ARHGEF18: variants seen among roughly 807,000 people sequenced by gnomAD.
ARHGEF18 encodes Rho/Rac guanine nucleotide exchange factor 18.
In ARHGEF18, 93 loss-of-function variants were observed where a neutral mutation model predicts 155.7. The ratio of observed to expected loss-of-function variants is 0.60; its 90% CI spans 0.50 to 0.71. The LOEUF (loss-of-function observed/expected upper bound fraction) is 0.71, where lower values mean the gene tolerates loss of function less well. ARHGEF18 is among the 30% of genes least tolerant of loss of function. The pLI, the probability that ARHGEF18 is intolerant of heterozygous loss-of-function variation, is 0.00. For missense variants in ARHGEF18, 1,593 were observed against 1,816.1 expected (o/e 0.88, Z 2.23); for synonymous variants, 742 against 753.1 (o/e 0.99, Z 0.24).
intron 10 of ARHGEF18, among the ~76,000 whole-genome samples, chr19:7,393,406 C>T (rs1025505968): frequency 9.9e-5 from 15 of 152,128 alleles, no homozygotes; most frequent in South Asian, 2.1e-4. Flanking sequence ...CTGGGTCATG[C>T]GAGGTTTCCC....
rs547413967 is a variant in ARHGEF18 at position 7,431,447 on chromosome 19, G to A, written c.968-8897G>A. On this transcript the variant is annotated intron_variant, in intron 10 of 28. Coordinates refer to ENST00000668164, the MANE Select transcript of ARHGEF18 (RefSeq NM_001367823.1). ...CAGGGGAATCGCTTGGGAGGCGGAG[G>A]TTGCAGTGAGTCAAGATCGTGCCAC... Among the ~76,000 whole-genome samples the A allele has an allele frequency of 3.5e-4, 48 of 137,274 alleles. 1 individual carries two copies. The South Asian group carries it at 0.011, about 33-fold the overall frequency. The allele number at this position is 137,274 out of a possible 152,430, so 90.1% of individuals were successfully genotyped here.
chr19:7,362,287 GAGGAGGAAGAAGGAGA>G (rs1193838918), intron 1 of ARHGEF18, among the ~76,000 whole-genome samples: 1 of 149,388 alleles, frequency 6.7e-6, no homozygotes, highest in South Asian at 2.1e-4. Flanking sequence ...AGAAGAAGAG[GAGGAGGAAGAAGGAGA>G]AGGAGGAAGA....
At chr19:7,357,909 G>A (rs1262168568) in intron 1 of ARHGEF18, among the ~76,000 whole-genome samples, 1 of 152,202 alleles carries the variant, frequency 6.6e-6, no homozygotes, top group Admixed American at 6.5e-5. Flanking sequence ...GATGAGTGCA[G>A]TCTGTGCCTC....
At chr19:7,364,365 AAAGGAAGGAAGGAAGG>A (rs752918785) in intron 2 of ARHGEF18, among the ~76,000 whole-genome samples, 245 of 112,938 alleles carry the variant, frequency 2.2e-3, no homozygotes, top group African/African-American at 8.1e-3. Flanking sequence ...GGAGGGAAGG[AAAGGAAGGAAGGAAGG>A]AAGGAAGGAA....
chr19:7,363,127 G>A (rs1202763387), intron 2 of ARHGEF18, among the ~76,000 whole-genome samples: 1 of 152,168 alleles, frequency 6.6e-6, no homozygotes, highest in African/African-American at 2.4e-5. Flanking sequence ...GGGATGAATG[G>A]ATGGATGGAT....
At chr19:7,425,427 T>C (rs145652489) in intron 10 of ARHGEF18, among the ~76,000 whole-genome samples, 3 of 152,274 alleles carry the variant, frequency 2.0e-5, no homozygotes, top group Admixed American at 2.0e-4. Context: ...TTCACGCCTG[T>C]AATCCCAGCA....
At chr19:7,403,471 T>A (rs568760456) in intron 10 of ARHGEF18, among the ~76,000 whole-genome samples, 1 of 152,338 alleles carries the variant, frequency 6.6e-6, no homozygotes, top group South Asian at 2.1e-4. Flanking sequence ...TTAATGTGAC[T>A]TCTTTTACTT....
Position 7,470,400 on chromosome 19 carries a change from C to A in ARHGEF18, c.*102C>A. On this transcript the variant is annotated 3_prime_UTR_variant, in exon 29 of 29. Coordinates refer to ENST00000668164, the MANE Select transcript of ARHGEF18 (RefSeq NM_001367823.1). The surrounding 1 kb of genome is among the most constrained non-coding windows in gnomAD (Gnocchi z 5.9). The stretch of plus-strand genomic sequence containing the variant: ...CACCATGCCCACCCAGCTGTCCCCT[C>A]CTCTTCCCTAGCAAACCACTGATGA... The A allele has an allele frequency of 1.7e-6, 2 of 1,159,556 alleles. No homozygotes were observed. Among genetic ancestry groups the A allele is most frequent in the Non-Finnish European group, 2.2e-6 (2 of 907,150 alleles). The allele number at this position is 1,159,556 out of a possible 1,614,324, so 71.8% of individuals were successfully genotyped here.
intron 22 of ARHGEF18, among the ~76,000 whole-genome samples, chr19:7,464,220 T>C (rs926177734): frequency 6.6e-6 from 1 of 152,108 alleles, no homozygotes; most frequent in African/African-American, 2.4e-5. Context: ...GTATTTTTAG[T>C]AGAAATGGGG....
rs75485514 is a variant in ARHGEF18 at position 7,362,519 on chromosome 19, A to G, written c.-110-262A>G. On this transcript the variant is annotated intron_variant, in intron 1 of 28. Coordinates refer to ENST00000668164, the MANE Select transcript of ARHGEF18 (RefSeq NM_001367823.1). ...CTGTTGGAACTGGTGTGTTGGGAAG[A>G]ATCCTGAGGGGGCAAATGGCTAAGC... Among the ~76,000 whole-genome samples, 16 of 152,330 alleles carry G rather than the reference A, an allele frequency of 1.1e-4. No homozygotes were observed. The East Asian group carries it at 2.5e-3, about 24-fold the overall frequency.
intron 10 of ARHGEF18, among the ~76,000 whole-genome samples, chr19:7,417,572 C>G (rs1973095430): frequency 6.6e-6 from 1 of 152,178 alleles, no homozygotes; most frequent in Non-Finnish European, 1.5e-5. Flanking sequence ...TGGCGCACGC[C>G]TGTAATCCCA....
At chr19:7,391,500 G>A (rs1317436738) in intron 10 of ARHGEF18, among the ~76,000 whole-genome samples, 2 of 151,926 alleles carry the variant, frequency 1.3e-5, no homozygotes, top group African/African-American at 2.4e-5. Flanking sequence ...CAGGTTCTCC[G>A]GACTCCACGG....
At chr19:7,386,555 G>C (rs1383382637) in intron 10 of ARHGEF18, among the ~76,000 whole-genome samples, 1 of 152,064 alleles carries the variant, frequency 6.6e-6, no homozygotes, top group Non-Finnish European at 1.5e-5. Context: ...AGATGTGGAG[G>C]AGGTGGGAAA....
chr19:7,413,976 A>G (rs12462237), intron 10 of ARHGEF18, among the ~76,000 whole-genome samples: 84,101 of 152,028 alleles, frequency 0.55, 23,693 homozygotes, highest in Middle Eastern at 0.75. Context: ...ACAGACAGCT[A>G]TAGGGGTGGC....
rs939850649 is a variant in ARHGEF18, at chr19:7,471,480, G to C, written c.*1182G>C. On this transcript the variant is annotated 3_prime_UTR_variant, in exon 29 of 29. Coordinates refer to ENST00000668164, the MANE Select transcript of ARHGEF18 (RefSeq NM_001367823.1). This position sits in a 1 kb window ranked among gnomAD's most constrained non-coding sequence, Gnocchi z 4.4. ...GCCTTGTTCTGCACCCCAAGCATTGGTGGTAGGACTGGGTCCTGGCTGATC... is the reference window on the plus strand; with the variant it reads ...GCCTTGTTCTGCACCCCAAGCATTGCTGGTAGGACTGGGTCCTGGCTGATC... The C allele has an allele frequency of 6.6e-6, 1 of 152,308 alleles. No individual in the cohort carries two copies. Among genetic ancestry groups the C allele is most frequent in the African/African-American group, 2.4e-5 (1 of 41,458 alleles). 9.4% of individuals were successfully genotyped at this position (152,308 alleles called of 1,614,324 possible).
At chr19:7,419,983 A>T (rs1266527548) in intron 10 of ARHGEF18, among the ~76,000 whole-genome samples, 1 of 133,978 alleles carries the variant, frequency 7.5e-6, no homozygotes, top group Non-Finnish European at 1.5e-5. Flanking sequence ...GTGCGCCCAC[A>T]CTCGGCCTCC....
In ARHGEF18 at chr19:7,398,314, C is replaced by T. The variant is rs369558693; in HGVS notation, c.967+15111C>T. Among the ~76,000 whole-genome samples the T allele has an allele frequency of 4.1e-4, 62 of 151,724 alleles. 1 individual carries two copies. In the South Asian group the frequency reaches 0.013, roughly 32 times the overall value. ...TCGAACTCCTGACCTCAGGTAATAT[C>T]CCCTCCTTGGCCTCCAAGAGAGCTG... On this transcript the variant is annotated intron_variant, in intron 10 of 28. Transcript: ENST00000668164.
rs1970264642 is a variant in ARHGEF18, at chr19:7,372,801, C to T, written c.16-11C>T. 4.9e-6 allele frequency: 6 copies of T among 1,234,392 alleles called. No homozygotes were observed. Among genetic ancestry groups the T allele is most frequent in the South Asian group, 8.2e-5 (2 of 24,412 alleles). The allele number at this position is 1,234,392 out of a possible 1,614,324, so 76.5% of individuals were successfully genotyped here. A position where few individuals can be genotyped will look rare whatever the true frequency, so the allele number is the denominator to read the frequency against. On this transcript the variant is annotated splice_polypyrimidine_tract_variant and intron_variant, in intron 2 of 28. Transcript: ENST00000668164. ...TGTCTTCTTCTCCCTCCTCACCTTC[C>T]CAACCTACAGGAGGATGATTTTCCC...
intron 2 of ARHGEF18, among the ~76,000 whole-genome samples, chr19:7,369,966 C>T (rs1386483132): frequency 6.6e-6 from 1 of 151,542 alleles, no homozygotes; most frequent in Non-Finnish European, 1.5e-5. Flanking sequence ...GGAGGCTGAG[C>T]GGGGAGGATC....
Sources: gnomAD v4.1 joint callset for allele counts (sites outside exome capture counted in the v4.1 genomes callset) on GRCh38, gnomAD v4.1.1 for gene constraint, Gnocchi (gnomAD v3.1) non-coding constraint, MANE v1.5 for transcripts, NCBI Gene and HGNC (gene_info 2026-07-23, HGNC 2026-07-21) for gene names.